Variants in DTNB observed in about 807,000 individuals in gnomAD.
The protein encoded by DTNB is DTN-B.
A neutral mutation model predicts 90.7 loss-of-function variants in DTNB; 63 were observed. That is an observed-to-expected ratio of 0.69 (90% confidence interval 0.57 to 0.86). The LOEUF (loss-of-function observed/expected upper bound fraction) is 0.86, where lower values mean the gene tolerates loss of function less well. Ranked by LOEUF, DTNB falls within the 40% of genes least tolerant of loss-of-function variation. The pLI is 0.00. For synonymous variants in DTNB, 277 were observed against 286.7 expected (o/e 0.97, Z 0.34); for missense variants, 744 against 807.1 (o/e 0.92, Z 0.95).
intron 6 of DTNB, among the ~76,000 whole-genome samples, chr2:25,591,746 A>C (rs998548099): frequency 5.3e-5 from 8 of 152,100 alleles, no homozygotes; most frequent in African/African-American, 1.9e-4. Flanking sequence ...AAAATATATC[A>C]AAGTAGAGAG....
chr2:25,643,549 T>C (rs1193453586), intron 2 of DTNB, among the ~76,000 whole-genome samples: 1 of 152,176 alleles, frequency 6.6e-6, no homozygotes, highest in African/African-American at 2.4e-5. Context: ...ATCAAAAAGT[T>C]AGACAAACTG....
At chr2:25,402,038 G>T (rs1372846002) in intron 16 of DTNB, among the ~76,000 whole-genome samples, 1 of 152,212 alleles carries the variant, frequency 6.6e-6, no homozygotes, top group East Asian at 1.9e-4. Flanking sequence ...AATGTATAGA[G>T]AACTGGGATA....
At chr2:25,622,345 G>A (rs901004425) in intron 4 of DTNB, among the ~76,000 whole-genome samples, 21 of 152,252 alleles carry the variant, frequency 1.4e-4, no homozygotes, top group African/African-American at 4.8e-4. Context: ...TTAGCCAGGC[G>A]TGGTGGCGTA....
rs1573629943 is a variant in DTNB at position 25,383,645 on chromosome 2, T to A, written c.1879+191A>T. ...GATCAGGAAATGAGGAAGCTCTTGG[T>A]GATCGACTGACCTTGTCACCTGGAA... On this transcript the variant is annotated intron_variant, in intron 19 of 20. Coordinates refer to ENST00000406818, the MANE Select transcript of DTNB (RefSeq NM_021907.5). 4 of 1,220,036 alleles carry A rather than the reference T, an allele frequency of 3.3e-6. No homozygotes were observed. The East Asian group carries it at 1.0e-4, about 31-fold the overall frequency. 75.6% of individuals were successfully genotyped at this position (1,220,036 alleles called of 1,614,324 possible). A position where few individuals can be genotyped will look rare whatever the true frequency, so the allele number is the denominator to read the frequency against.
At chr2:25,443,935 T>A (rs898374197) in intron 12 of DTNB, among the ~76,000 whole-genome samples, 1 of 152,192 alleles carries the variant, frequency 6.6e-6, no homozygotes, top group Non-Finnish European at 1.5e-5. Flanking sequence ...AGGGTATTTC[T>A]GAATGCTGCA....
chr2:25,563,826 C>T (rs139171255), intron 8 of DTNB, among the ~76,000 whole-genome samples: 16 of 152,310 alleles, frequency 1.1e-4, no homozygotes, highest in African/African-American at 3.6e-4. Flanking sequence ...GTCTTGATTA[C>T]TATTGCTTTG....
chr2:25,482,888 A>G lies in DTNB; in HGVS notation c.1002-15T>C, dbSNP rs768070454. ...GGCGAGGAGGACTGAAAGAAAAGAC[A>G]TTTACCTTATATTAATAATGACCAA... On this transcript the variant is annotated splice_polypyrimidine_tract_variant and intron_variant, in intron 9 of 20. Transcript: ENST00000406818. The G allele has an allele frequency of 6.3e-7, 1 of 1,595,026 alleles. No individual in the cohort carries two copies. Among genetic ancestry groups the G allele is most frequent in the East Asian group, 2.3e-5 (1 of 44,438 alleles).
At chr2:25,429,119 C>T (rs1208039194) in intron 14 of DTNB, among the ~76,000 whole-genome samples, 6 of 152,082 alleles carry the variant, frequency 3.9e-5, no homozygotes, top group African/African-American at 1.4e-4. Flanking sequence ...AGATGCACGG[C>T]AATTGTAACA....
At chr2:25,502,174 G>A (rs574234703) in intron 9 of DTNB, among the ~76,000 whole-genome samples, 4 of 151,862 alleles carry the variant, frequency 2.6e-5, no homozygotes, top group African/African-American at 9.7e-5. Flanking sequence ...GACTGAGTGA[G>A]AACCTGTCTC....
In DTNB at chr2:25,596,325, A is replaced by C. The variant is rs949017122; in HGVS notation, c.449-85T>G. 5.9e-6 allele frequency: 8 copies of C among 1,357,494 alleles called. No homozygotes were observed. The Admixed American group carries it at 2.1e-4, about 35-fold the overall frequency. The allele number at this position is 1,357,494 out of a possible 1,614,324, so 84.1% of individuals were successfully genotyped here. The stretch of plus-strand genomic sequence containing the variant: ...GCTCTATGTCATTTGTATACCAAAC[A>C]AAAAGTATCATTAAAAAAGTATCAT... On this transcript the variant is annotated intron_variant, in intron 5 of 20. Transcript: ENST00000406818.
intron 4 of DTNB, among the ~76,000 whole-genome samples, chr2:25,614,723 G>A (rs540712572): frequency 1.3e-5 from 2 of 152,238 alleles, no homozygotes; most frequent in South Asian, 2.1e-4. Context: ...TCAGAATCCC[G>A]TTGCGATTCA....
intron 13 of DTNB, among the ~76,000 whole-genome samples, chr2:25,433,508 G>A (rs546576167): frequency 5.3e-5 from 8 of 151,496 alleles, no homozygotes; most frequent in South Asian, 4.2e-4. Flanking sequence ...TCTCTGTGCC[G>A]TTAAATGGCA....
chr2:25,569,069 A>T (rs148068607), intron 8 of DTNB, among the ~76,000 whole-genome samples: 1 of 152,306 alleles, frequency 6.6e-6, no homozygotes, highest in East Asian at 1.9e-4. Flanking sequence ...TGTCTGTTCC[A>T]GCAGATCCCG....
intron 9 of DTNB, among the ~76,000 whole-genome samples, chr2:25,523,437 C>T (rs772511273): frequency 1.3e-5 from 2 of 152,044 alleles, no homozygotes; most frequent in East Asian, 1.9e-4. Flanking sequence ...GTCAGGAGTT[C>T]GAGACCAGCT....
chr2:25,377,418 C>T lies in DTNB; in HGVS notation c.*165G>A, dbSNP rs1326013172. 1 of 153,192 alleles carries T rather than the reference C, an allele frequency of 6.5e-6. No homozygotes were observed. Among genetic ancestry groups the T allele is most frequent in the East Asian group, 1.9e-4 (1 of 5,348 alleles). The allele number at this position is 153,192 out of a possible 1,614,324, so 9.5% of individuals were successfully genotyped here. On this transcript the variant is annotated 3_prime_UTR_variant, in exon 21 of 21. Transcript: ENST00000406818. ...TCCCACCGGCTCTGGCTCCCCTCTC[C>T]CTGGCGGGTGGAGTGACGTCTGGCA... is the stretch of plus-strand genomic sequence containing the variant.
At chr2:25,622,826 T>C (rs550991736) in intron 4 of DTNB, among the ~76,000 whole-genome samples, 1 of 152,010 alleles carries the variant, frequency 6.6e-6, no homozygotes, top group South Asian at 2.1e-4. Flanking sequence ...AATTTAAAAC[T>C]AAGAATAAAC....
rs2036071967 is a variant in DTNB, at chr2:25,377,308, C to T, written c.*275G>A. 1 of 152,934 alleles carries T rather than the reference C, an allele frequency of 6.5e-6. No homozygotes were observed. The highest frequency in any genetic ancestry group is 1.5e-5 in the Non-Finnish European group (1 of 68,190). The allele number at this position is 152,934 out of a possible 1,614,324, so 9.5% of individuals were successfully genotyped here. A position where few individuals can be genotyped will look rare whatever the true frequency, so the allele number is the denominator to read the frequency against. On this transcript the variant is annotated 3_prime_UTR_variant, in exon 21 of 21. Transcript: ENST00000406818. ...TCCTGATGCGGAGATGAGACCATGC[C>T]CTGAGGGGAGTGATGAAGGTGCTAG...
At chr2:25,544,930 C>T (rs987212728) in intron 8 of DTNB, among the ~76,000 whole-genome samples, 28 of 152,162 alleles carry the variant, frequency 1.8e-4, no homozygotes, top group Non-Finnish European at 1.3e-4. Flanking sequence ...TGACAAACTC[C>T]TTGAGACTTT....
At chr2:25,462,569 T>G (rs1188913721) in intron 10 of DTNB, among the ~76,000 whole-genome samples, 2 of 152,188 alleles carry the variant, frequency 1.3e-5, no homozygotes, top group African/African-American at 4.8e-5. Flanking sequence ...AGATATTTAT[T>G]TTGTAGACTG....
Sources: gnomAD v4.1 joint callset for allele counts (sites outside exome capture counted in the v4.1 genomes callset) on GRCh38, gnomAD v4.1.1 for gene constraint, MANE v1.5 for transcripts, NCBI Gene and HGNC (gene_info 2026-07-23, HGNC 2026-07-21) for gene names.